Variants in ARB2A observed in about 807,000 individuals in gnomAD.
ARB2A encodes the protein cotranscriptional regulator ARB2A.
the ARB2A span, chr5:93,734,703 T>A: frequency 6.6e-6 from 1 of 152,204 alleles, no homozygotes; most frequent in Non-Finnish European, 1.5e-5. Context: ...TATGAAGACT[T>A]TGGAGTGTTT....
chr5:94,084,271 T>C, the ARB2A span, among the ~76,000 whole-genome samples: 4 of 29,696 alleles, frequency 1.3e-4, no homozygotes, highest in Admixed American at 1.9e-3. Context: ...CAAAACTTCA[T>C]CTCAAAAAAA....
At chr5:93,761,529 A>T in the ARB2A span, among the ~76,000 whole-genome samples, 1 of 152,216 alleles carries the variant, frequency 6.6e-6, no homozygotes, top group Non-Finnish European at 1.5e-5. Flanking sequence ...ACCATTGCCC[A>T]GGCTTGAGTA....
At chr5:93,707,006 T>C in the ARB2A span, among the ~76,000 whole-genome samples, 1 of 152,180 alleles carries the variant, frequency 6.6e-6, no homozygotes, top group East Asian at 1.9e-4. Flanking sequence ...TCATAATATA[T>C]CCATGTGTGT....
At chr5:93,855,367 G>C in the ARB2A span, among the ~76,000 whole-genome samples, 7 of 152,190 alleles carry the variant, frequency 4.6e-5, no homozygotes, top group African/African-American at 1.7e-4. Context: ...CATGTGAGAT[G>C]GGTTTCCTGA....
chr5:93,788,690 C>A, the ARB2A span, among the ~76,000 whole-genome samples: 363 of 152,264 alleles, frequency 2.4e-3, 2 homozygotes, highest in African/African-American at 7.9e-3. Context: ...TTACTTCTGC[C>A]AAATTGAATT....
chr5:93,815,203 T>A, the ARB2A span, among the ~76,000 whole-genome samples: 1 of 152,260 alleles, frequency 6.6e-6, no homozygotes, highest in Middle Eastern at 3.4e-3. Context: ...TATTGTAAGC[T>A]AAATTCATTC....
the ARB2A span, among the ~76,000 whole-genome samples, chr5:94,009,052 G>C: frequency 6.6e-6 from 1 of 152,020 alleles, no homozygotes; most frequent in Non-Finnish European, 1.5e-5. Context: ...AAACTAATTT[G>C]ATTTCTGGAA....
At chr5:93,808,966 A>C in the ARB2A span, among the ~76,000 whole-genome samples, 1 of 152,062 alleles carries the variant, frequency 6.6e-6, no homozygotes, top group African/African-American at 2.4e-5. Flanking sequence ...GTAAATATCT[A>C]TTAGTACATT....
At chr5:93,990,484 T>C in the ARB2A span, among the ~76,000 whole-genome samples, 4 of 151,958 alleles carry the variant, frequency 2.6e-5, no homozygotes, top group African/African-American at 4.8e-5. Flanking sequence ...AACATAATGA[T>C]GTAGGTTCTA....
chr5:94,088,836 G>A, the ARB2A span, among the ~76,000 whole-genome samples: 1 of 152,070 alleles, frequency 6.6e-6, no homozygotes, highest in East Asian at 1.9e-4. Flanking sequence ...CTGGGCTAAG[G>A]GGCAGTTATA....
At chr5:93,706,045 T>C in the ARB2A span, among the ~76,000 whole-genome samples, 14 of 152,154 alleles carry the variant, frequency 9.2e-5, no homozygotes, top group African/African-American at 3.4e-4. Context: ...CTTATAGGTA[T>C]AGAACCCACA....
chr5:93,748,214 T>G, the ARB2A span, among the ~76,000 whole-genome samples: 3 of 152,022 alleles, frequency 2.0e-5, no homozygotes, highest in Non-Finnish European at 4.4e-5. Context: ...AGACAATATA[T>G]TAAAGAACTG....
chr5:93,985,570 C>T, the ARB2A span, among the ~76,000 whole-genome samples: 6 of 152,270 alleles, frequency 3.9e-5, no homozygotes, highest in South Asian at 6.2e-4. Flanking sequence ...ATTGCAGGCG[C>T]GCGCCGCCAC....
At chr5:93,790,617 A>C in the ARB2A span, among the ~76,000 whole-genome samples, 3 of 152,200 alleles carry the variant, frequency 2.0e-5, no homozygotes, top group African/African-American at 7.2e-5. Flanking sequence ...TGGTAGTTCT[A>C]CTTTCCTCCC....
the ARB2A span, among the ~76,000 whole-genome samples, chr5:94,070,070 T>C: frequency 6.6e-6 from 1 of 152,014 alleles, no homozygotes; most frequent in Non-Finnish European, 1.5e-5. Flanking sequence ...ATAAAGAAAA[T>C]GTGATATAAT....
At chr5:93,969,529 G>A in the ARB2A span, among the ~76,000 whole-genome samples, 2 of 152,202 alleles carry the variant, frequency 1.3e-5, no homozygotes, top group Admixed American at 1.3e-4. Flanking sequence ...ATACAGTAAT[G>A]CCCTCAAGGA....
the ARB2A span, among the ~76,000 whole-genome samples, chr5:93,711,861 C>G: frequency 2.6e-5 from 4 of 152,342 alleles, no homozygotes; most frequent in Admixed American, 2.0e-4. Context: ...AAAGCAAATT[C>G]AGTGGGAAAC....
chr5:94,074,984 A>G, the ARB2A span, among the ~76,000 whole-genome samples: 1 of 152,104 alleles, frequency 6.6e-6, no homozygotes, highest in Non-Finnish European at 1.5e-5. Flanking sequence ...AGGAATACAG[A>G]CATCAAGTTT....
the ARB2A span, among the ~76,000 whole-genome samples, chr5:93,904,850 C>T: frequency 6.6e-6 from 1 of 151,554 alleles, no homozygotes; most frequent in Non-Finnish European, 1.5e-5. Context: ...CTCATTTATG[C>T]AGGTAAATTA....
Sources: allele counts gnomAD v4.1 joint callset (sites outside exome capture counted in the v4.1 genomes callset), GRCh38; gene constraint gnomAD v4.1.1; transcripts MANE v1.5; gene names NCBI Gene and HGNC (gene_info 2026-07-23, HGNC 2026-07-21).